Variants in ATP6V0A2 observed in about 807,000 individuals in gnomAD.
The protein encoded by ATP6V0A2 is V-type proton ATPase 116 kDa subunit a 2.
ATP6V0A2 carries 58 observed loss-of-function variants against 104.4 expected under a neutral mutation model. The ratio of observed to expected loss-of-function variants is 0.56; its 90% CI spans 0.45 to 0.69. The LOEUF (loss-of-function observed/expected upper bound fraction) is 0.69, where lower values mean the gene tolerates loss of function less well. ATP6V0A2 is among the 30% of genes least tolerant of loss of function. The pLI, the probability that ATP6V0A2 is intolerant of heterozygous loss-of-function variation, is 0.00. For missense variants in ATP6V0A2, 938 were observed against 1,062.9 expected, an observed-to-expected ratio of 0.88 and a Z score of 1.63; for synonymous variants, 376 against 397.9, an observed-to-expected ratio of 0.95 and a Z score of 0.65.
At chr12:123,728,335 C>T (rs900827748) in intron 6 of ATP6V0A2, among the ~76,000 whole-genome samples, 3 of 151,048 alleles carry the variant, frequency 2.0e-5, no homozygotes, top group Non-Finnish European at 2.9e-5. Context: ...AATCCTCCCA[C>T]GTAGGCCTCT....
At chr12:123,747,048 C>T (rs542191770) in intron 13 of ATP6V0A2, among the ~76,000 whole-genome samples, 3 of 152,240 alleles carry the variant, frequency 2.0e-5, no homozygotes, top group South Asian at 2.1e-4. Context: ...GGGGAAGTTA[C>T]GGGGACTCAG....
At chr12:123,742,721 A>G (rs1956621304) in intron 9 of ATP6V0A2, among the ~76,000 whole-genome samples, 1 of 151,964 alleles carries the variant, frequency 6.6e-6, no homozygotes, top group Non-Finnish European at 1.5e-5. Context: ...ATGTAATCCC[A>G]ACTACTTGGG....
In ATP6V0A2 at chr12:123,760,406, A is replaced by G. The variant is rs976018894; in HGVS notation, c.*2374A>G. 4 of 152,208 alleles carry G rather than the reference A, an allele frequency of 2.6e-5. No individual in the cohort carries two copies. The highest frequency in any genetic ancestry group is 5.9e-5 in the Non-Finnish European group (4 of 68,038). The allele number at this position is 152,208 out of a possible 1,614,324, so 9.4% of individuals were successfully genotyped here. The stretch of plus-strand genomic sequence containing the variant: ...AGGGGCCACGGGAATTTGTTTCTCT[A>G]TAAAGCGATGGGCTCCAGTGTCATG... On this transcript the variant is annotated 3_prime_UTR_variant, in exon 20 of 20. Coordinates refer to ENST00000330342, the MANE Select transcript of ATP6V0A2 (RefSeq NM_012463.4).
chr12:123,757,556 G>T (rs1182345896), intron 19 of ATP6V0A2, among the ~76,000 whole-genome samples: 1 of 152,212 alleles, frequency 6.6e-6, no homozygotes, highest in Non-Finnish European at 1.5e-5. Flanking sequence ...GGTCTGACAG[G>T]TTGCTCTGTC....
At chr12:123,726,757 G>A (rs1179123398) in intron 5 of ATP6V0A2, among the ~76,000 whole-genome samples, 1 of 152,204 alleles carries the variant, frequency 6.6e-6, no homozygotes, top group African/African-American at 2.4e-5. Context: ...ATATTTCACA[G>A]TTCCTGATCT....
rs760083121 is a variant in ATP6V0A2, at chr12:123,712,646, C to A, written c.81C>A (p.Ser27Arg). ...CGGGCACGGCCTACGAGTGCCTCAGCGCCCTGGGCGAGAAAGGCCTGGTCC... is the reference window on the plus strand; with the variant it reads ...CGGGCACGGCCTACGAGTGCCTCAGAGCCCTGGGCGAGAAAGGCCTGGTCC... ...LQSGTAYECL[S>R]ALGEKGLVQF... The change falls in exon 1 of 20, where the codon AGC becomes AGA. Residue 27 changes from serine to arginine, a missense_variant. Physicochemically the swap from Ser to Arg is moderately radical, Grantham distance 110. Transcript: ENST00000330342. The A allele has an allele frequency of 2.5e-6, 4 of 1,609,350 alleles. No homozygotes were observed. The highest frequency in any genetic ancestry group is 3.4e-6 in the Non-Finnish European group (4 of 1,178,564).
intron 18 of ATP6V0A2, among the ~76,000 whole-genome samples, chr12:123,755,689 T>A (rs933266253): frequency 4.0e-5 from 6 of 151,732 alleles, no homozygotes; most frequent in Non-Finnish European, 5.9e-5. Flanking sequence ...TTTTTTTTTT[T>A]AAATAACAGA....
rs935289095 is a variant in ATP6V0A2 at position 123,759,193 on chromosome 12, A to C, written c.*1161A>C. ...TGTATATTTTTGTAACAAAATATAAATGAAGATATTTTACCATGAAGAGAT... is the reference window on the plus strand; with the variant it reads ...TGTATATTTTTGTAACAAAATATAACTGAAGATATTTTACCATGAAGAGAT... On this transcript the variant is annotated 3_prime_UTR_variant, in exon 20 of 20. Transcript: ENST00000330342. The C allele has an allele frequency of 1.3e-5, 2 of 152,064 alleles. No homozygotes were observed. Among genetic ancestry groups the C allele is most frequent in the African/African-American group, 4.9e-5 (2 of 41,106 alleles). 9.4% of individuals were successfully genotyped at this position (152,064 alleles called of 1,614,324 possible). A position where few individuals can be genotyped will look rare whatever the true frequency, so the allele number is the denominator to read the frequency against.
chr12:123,726,310 A>G, intron 5 of ATP6V0A2, 25 bp downstream of exon 5: 6 of 1,554,640 alleles, frequency 3.9e-6, no homozygotes, highest in Non-Finnish European at 5.3e-6. Flanking sequence ...CTGGGGTGTC[A>G]GGCTTCATAC....
intron 15 of ATP6V0A2, 116 bp from the exon 16 acceptor site, chr12:123,750,994 T>C: frequency 7.0e-7 from 1 of 1,423,834 alleles, no homozygotes; most frequent in Non-Finnish European, 9.9e-7. Flanking sequence ...CTGGCATTTA[T>C]TGAATGTTCC....
Position 123,735,616 on chromosome 12 carries a change from CT to C in ATP6V0A2, c.818del (p.Leu273ProfsTer12). 6.2e-7 allele frequency: 1 copy of C among 1,611,914 alleles called. No homozygotes were observed. On this transcript the variant is annotated frameshift_variant, in exon 8 of 20. Coordinates refer to ENST00000330342, the MANE Select transcript of ATP6V0A2 (RefSeq NM_012463.4). LOFTEE classifies it high-confidence loss of function. ...QEGLNTRIQD[L>X]YTVLHKTEDY... is the part of the protein sequence containing the mutation. ...GGGGCTGAACACCCGCATCCAGGAT[CT>C]CTACACTGTGAGTAAGCTGGAAGTG...
In ATP6V0A2 at chr12:123,744,900, C is replaced by G; in HGVS notation, c.1533C>G (p.His511Gln). ...GTTACAGTGACAGCGTCGTTAGACA[C>G]AACAGCATTTTGCAGCTGGATCCAA... The part of the protein sequence containing the change: ...MVLWNDSVVR[H>Q]NSILQLDPSI... Residue 511 changes from histidine to glutamine, a missense_variant, in exon 13 of 20, where the codon CAC becomes CAG. Coordinates refer to ENST00000330342, the MANE Select transcript of ATP6V0A2 (RefSeq NM_012463.4). This position sits in a 1 kb window ranked among gnomAD's most constrained non-coding sequence, Gnocchi z 5.4. The G allele has an allele frequency of 6.2e-7, 1 of 1,614,192 alleles. No homozygotes were observed. Among genetic ancestry groups the G allele is most frequent in the South Asian group, 1.1e-5 (1 of 91,090 alleles).
chr12:123,727,940 A>G (rs2135890989), intron 6 of ATP6V0A2, 31 bp downstream of exon 6: 1 of 1,614,044 alleles, frequency 6.2e-7, no homozygotes, highest in Non-Finnish European at 8.5e-7. Context: ...CCTTTTAGCA[A>G]TGACGGACTA....
chr12:123,754,199 G>T (rs1566293041), intron 17 of ATP6V0A2: 1 of 608,158 alleles, frequency 1.6e-6, no homozygotes. Context: ...GGCTGATGAA[G>T]GTGGGGATTT....
In ATP6V0A2 at chr12:123,735,141, T is replaced by TTGTGTG. The variant is rs1566281667; in HGVS notation, c.732-390_732-389insTGTGTG. 9.0e-3 allele frequency among the ~76,000 whole-genome samples: 723 copies of TTGTGTG among 80,534 alleles called. 6 individuals are homozygous for TTGTGTG. The highest frequency in any genetic ancestry group is 0.033 in the African/African-American group (701 of 21,020). 52.8% of individuals were successfully genotyped at this position (80,534 alleles called of 152,430 possible). On this transcript the variant is annotated intron_variant, in intron 7 of 19. Transcript: ENST00000330342. The stretch of plus-strand genomic sequence containing the variant: ...CCAGAGCTCTTTTCTCCTTTTGTTT[T>TTGTGTG]CGTGTGTGTGTGTGTGTGTGTGTGT...
intron 7 of ATP6V0A2, 43 bp downstream of exon 7, chr12:123,734,051 C>A: frequency 6.7e-7 from 1 of 1,491,880 alleles, no homozygotes; most frequent in Non-Finnish European, 9.3e-7. Flanking sequence ...TCTTTATATT[C>A]AGTCACCTCT....
intron 5 of ATP6V0A2, 136 bp from the exon 6 acceptor site, chr12:123,727,647 C>T (rs1956460851): frequency 1.0e-6 from 1 of 995,524 alleles, no homozygotes; most frequent in Non-Finnish European, 1.6e-6. Flanking sequence ...TGACCAGCAC[C>T]TGAGATGTTT....
At chr12:123,726,308 T>A in intron 5 of ATP6V0A2, 23 bp downstream of exon 5, 1 of 1,556,246 alleles carries the variant, frequency 6.4e-7, no homozygotes, top group Non-Finnish European at 8.9e-7. Context: ...GCCTGGGGTG[T>A]CAGGCTTCAT....
rs544625491 is a variant in ATP6V0A2 at position 123,741,622 on chromosome 12, T to C, written c.1039-2163T>C. Among the ~76,000 whole-genome samples, 12 of 152,018 alleles carry C rather than the reference T, an allele frequency of 7.9e-5. No homozygotes were observed. In the East Asian group the frequency reaches 2.1e-3, roughly 27 times the overall value. ...TGCCTGGCTAATTTATTTATTTATTTAGTTAGTTATTTATATTTTTTTGTA... is the reference window on the plus strand; with the variant it reads ...TGCCTGGCTAATTTATTTATTTATTCAGTTAGTTATTTATATTTTTTTGTA... On this transcript the variant is annotated intron_variant, in intron 9 of 19. Transcript: ENST00000330342.
Sources: gnomAD v4.1 joint callset for allele counts (sites outside exome capture counted in the v4.1 genomes callset) on GRCh38, gnomAD v4.1.1 for gene constraint, Gnocchi (gnomAD v3.1) non-coding constraint, MANE v1.5 for transcripts, NCBI Gene and HGNC (gene_info 2026-07-23, HGNC 2026-07-21) for gene names.